Variants in WNT3 observed in about 807,000 individuals in gnomAD.
The protein encoded by WNT3 is proto-oncogene Wnt-3.
Under a neutral mutation model 34.2 loss-of-function variants are expected in WNT3, and 7 were observed. The ratio of observed to expected loss-of-function variants is 0.20; its 90% CI spans 0.12 to 0.38. The LOEUF (loss-of-function observed/expected upper bound fraction) is 0.38, where lower values mean the gene tolerates loss of function less well. Among genes scored for constraint, WNT3 ranks in the 10% least tolerant of loss-of-function variants. WNT3 has a pLI of 1.00. For missense variants in WNT3, 267 were observed against 499.8 expected (o/e 0.53, Z 4.44); for synonymous variants, 212 against 211.5 (o/e 1.00, Z -0.02).
chr17:46,807,992 A>C (rs2084219441), intron 1 of WNT3, among the ~76,000 whole-genome samples: 1 of 152,258 alleles, frequency 6.6e-6, no homozygotes, highest in African/African-American at 2.4e-5. Flanking sequence ...CAAGAATTGG[A>C]CTAGGGCAAG....
chr17:46,816,464 C>T (rs2084348422), intron 1 of WNT3, among the ~76,000 whole-genome samples: 1 of 126,814 alleles, frequency 7.9e-6, no homozygotes, highest in South Asian at 2.6e-4. Context: ...GGTCATAGAC[C>T]CAGAACACAC....
intron 2 of WNT3, among the ~76,000 whole-genome samples, chr17:46,771,227 C>G (rs558395766): frequency 1.2e-3 from 182 of 152,292 alleles, no homozygotes; most frequent in African/African-American, 4.2e-3. Context: ...GCCCGCGCCC[C>G]GCGCCTGCGC....
intron 1 of WNT3, among the ~76,000 whole-genome samples, chr17:46,777,047 A>G (rs928986715): frequency 6.6e-6 from 1 of 152,126 alleles, no homozygotes; most frequent in African/African-American, 2.4e-5. Flanking sequence ...CATTATACAG[A>G]TGAAAAACAG....
chr17:46,771,367 C>G (rs1338096519), intron 2 of WNT3, among the ~76,000 whole-genome samples: 4 of 151,716 alleles, frequency 2.6e-5, no homozygotes, highest in African/African-American at 9.7e-5. Context: ...GGGGGCGCCT[C>G]GGGGAAGAGG....
chr17:46,817,339 C>T (rs1329659834), intron 1 of WNT3, among the ~76,000 whole-genome samples: 1 of 152,224 alleles, frequency 6.6e-6, no homozygotes, highest in African/African-American at 2.4e-5. Flanking sequence ...GCCCACTTCT[C>T]ACTCACAGAT....
At chr17:46,783,536 A>C (rs887447262) in intron 1 of WNT3, among the ~76,000 whole-genome samples, 2 of 152,218 alleles carry the variant, frequency 1.3e-5, no homozygotes, top group Admixed American at 6.5e-5. Flanking sequence ...TTTCTTGAGC[A>C]CCTACTAGGT....
At chr17:46,803,864 A>G (rs574857942) in intron 1 of WNT3, among the ~76,000 whole-genome samples, 2 of 152,240 alleles carry the variant, frequency 1.3e-5, no homozygotes, top group Non-Finnish European at 2.9e-5. Context: ...CAGATACTCC[A>G]GGAGCCTAAA....
At chr17:46,791,708 G>C (rs1188430863) in intron 1 of WNT3, among the ~76,000 whole-genome samples, 1 of 152,212 alleles carries the variant, frequency 6.6e-6, no homozygotes, top group Non-Finnish European at 1.5e-5. Flanking sequence ...AAGTAGGAAG[G>C]CATTTCTTCT....
At chr17:46,794,198 G>A (rs2084024013) in intron 1 of WNT3, among the ~76,000 whole-genome samples, 1 of 152,094 alleles carries the variant, frequency 6.6e-6, no homozygotes, top group African/African-American at 2.4e-5. Context: ...TCAGGGGACT[G>A]TGCCCTGAGA....
intron 1 of WNT3, among the ~76,000 whole-genome samples, chr17:46,777,439 C>T (rs1277216876): frequency 6.6e-6 from 1 of 152,220 alleles, no homozygotes; most frequent in Non-Finnish European, 1.5e-5. Flanking sequence ...CGCAGCCCAG[C>T]AGAGCACCTG....
chr17:46,811,677 G>A (rs943955385), intron 1 of WNT3, among the ~76,000 whole-genome samples: 1 of 152,164 alleles, frequency 6.6e-6, no homozygotes, highest in Non-Finnish European at 1.5e-5. Context: ...AACTCTGGCT[G>A]GGTGCGGTGG....
chr17:46,807,522 G>T (rs1414606756), intron 1 of WNT3, among the ~76,000 whole-genome samples: 2 of 152,126 alleles, frequency 1.3e-5, no homozygotes, highest in Admixed American at 6.6e-5. Context: ...AACAGAAGCA[G>T]ACTGGAATTC....
chr17:46,799,191 TC>T (rs896881078), intron 1 of WNT3, among the ~76,000 whole-genome samples: 1 of 152,162 alleles, frequency 6.6e-6, no homozygotes, highest in Non-Finnish European at 1.5e-5. Flanking sequence ...TTGCCTTTTG[TC>T]CACCAAGTCA....
chr17:46,814,533 G>A (rs118086135), intron 1 of WNT3, among the ~76,000 whole-genome samples: 2,295 of 152,274 alleles, frequency 0.015, 20 homozygotes, highest in Admixed American at 0.025. Flanking sequence ...CCCTGGAAGG[G>A]AGACCACCCG....
rs558753083 is a variant in WNT3 at position 46,784,584 on chromosome 17, C to T, written c.81-10675G>A. Among the ~76,000 whole-genome samples, 7 of 152,254 alleles carry T rather than the reference C, an allele frequency of 4.6e-5. No homozygotes were observed. The East Asian group carries it at 1.4e-3, about 30-fold the overall frequency. ...GCCCAGCTTCAGGGCCTGAACCTCA[C>T]ACTAGGAGGCTGGAAAGGTGGGCTC... On this transcript the variant is annotated intron_variant, in intron 1 of 4. Coordinates refer to ENST00000225512, the MANE Select transcript of WNT3 (RefSeq NM_030753.5).
chr17:46,803,562 A>G (rs1467225177), intron 1 of WNT3, among the ~76,000 whole-genome samples: 1 of 152,150 alleles, frequency 6.6e-6, no homozygotes, highest in Non-Finnish European at 1.5e-5. Flanking sequence ...CAATCATTCT[A>G]TCCTCCTATC....
chr17:46,770,989 G>T (rs1466706245), intron 2 of WNT3, among the ~76,000 whole-genome samples: 1 of 152,238 alleles, frequency 6.6e-6, no homozygotes, highest in African/African-American at 2.4e-5. Flanking sequence ...GTGAAACGCC[G>T]GGCCGGCCTA....
chr17:46,764,669 G>C (rs765368855), intron 4 of WNT3, 48 bp from the exon 5 acceptor site: 4 of 152,254 alleles, frequency 2.6e-5, no homozygotes, highest in Non-Finnish European at 5.9e-5. Flanking sequence ...TCCATTCCCA[G>C]AGACCACCCA....
At chr17:46,803,208 A>C (rs2084148966) in intron 1 of WNT3, among the ~76,000 whole-genome samples, 1 of 152,264 alleles carries the variant, frequency 6.6e-6, no homozygotes, top group Admixed American at 6.5e-5. Flanking sequence ...GAGGAAAGAC[A>C]GTTTACGTCT....
Sources: gnomAD v4.1 joint callset for allele counts (sites outside exome capture counted in the v4.1 genomes callset) on GRCh38, gnomAD v4.1.1 for gene constraint, MANE v1.5 for transcripts, NCBI Gene and HGNC (gene_info 2026-07-23, HGNC 2026-07-21) for gene names.